PTER: variants seen among roughly 807,000 people sequenced by gnomAD.
PTER encodes phosphotriesterase related.
A neutral mutation model predicts 29.6 loss-of-function variants in PTER; 38 were observed. That is an observed-to-expected ratio of 1.28 (90% confidence interval 0.99 to 1.68). The LOEUF (loss-of-function observed/expected upper bound fraction) is 1.68. Among genes scored for constraint, PTER ranks in the 40% most tolerant of loss-of-function variants. PTER has a pLI of 0.00. For synonymous variants in PTER, 172 were observed against 154.5 expected (o/e 1.11, Z -0.84); for missense variants, 482 against 427.8 (o/e 1.13, Z -1.12).
chr10:16,438,727 A>C (rs1833745409), intron 1 of PTER, among the ~76,000 whole-genome samples: 1 of 151,310 alleles, frequency 6.6e-6, no homozygotes, highest in Non-Finnish European at 1.5e-5. Context: ...CAGGAGTTCG[A>C]GACCAGCCTG....
chr10:16,486,872 A>G, intron 3 of PTER: 1 of 412,060 alleles, frequency 2.4e-6, no homozygotes, highest in Non-Finnish European at 4.3e-6. Flanking sequence ...ATTTCCTTTA[A>G]TTTACTCAAT....
chr10:16,461,366 T>C (rs1369303113), intron 1 of PTER, among the ~76,000 whole-genome samples: 6 of 151,876 alleles, frequency 4.0e-5, no homozygotes, highest in Non-Finnish European at 8.8e-5. Context: ...TAATTAAAAT[T>C]TGTTATTTGA....
intron 1 of PTER, among the ~76,000 whole-genome samples, chr10:16,446,766 T>C (rs1376501282): frequency 6.8e-6 from 1 of 146,394 alleles, no homozygotes; most frequent in East Asian, 1.9e-4. Flanking sequence ...TAAGACATTT[T>C]TGTTTGTTTG....
chr10:16,513,420 G>A lies in PTER; in HGVS notation c.*2164G>A, dbSNP rs1836887071. 1 of 152,436 alleles carries A rather than the reference G, an allele frequency of 6.6e-6. No individual in the cohort carries two copies. The highest frequency in any genetic ancestry group is 1.5e-5 in the Non-Finnish European group (1 of 67,920). The allele number at this position is 152,436 out of a possible 1,614,324, so 9.4% of individuals were successfully genotyped here. ...ATATATAAATGTTTTATATGTATATGTTTTATACATAAATAAAACATTTCA... is the reference window on the plus strand; with the variant it reads ...ATATATAAATGTTTTATATGTATATATTTTATACATAAATAAAACATTTCA... On this transcript the variant is annotated 3_prime_UTR_variant, in exon 5 of 5. Coordinates refer to ENST00000535784, the MANE Select transcript of PTER (RefSeq NM_001261836.2).
intron 1 of PTER, among the ~76,000 whole-genome samples, chr10:16,470,422 A>G (rs1179405680): frequency 2.0e-5 from 3 of 152,218 alleles, no homozygotes; most frequent in African/African-American, 7.2e-5. Flanking sequence ...ATATTTATCA[A>G]ATCCATAGTA....
chr10:16,441,760 T>C (rs1833858205), intron 1 of PTER, among the ~76,000 whole-genome samples: 1 of 152,250 alleles, frequency 6.6e-6, no homozygotes, highest in South Asian at 2.1e-4. Context: ...CAATGCTAAG[T>C]ATTGGCAGTA....
chr10:16,465,205 A>G (rs1479516287), intron 1 of PTER, among the ~76,000 whole-genome samples: 1 of 152,096 alleles, frequency 6.6e-6, no homozygotes, highest in African/African-American at 2.4e-5. Flanking sequence ...TAAGTATCCT[A>G]TGAATATATA....
chr10:16,467,089 A>G (rs1408239311), intron 1 of PTER, among the ~76,000 whole-genome samples: 1 of 152,168 alleles, frequency 6.6e-6, no homozygotes, highest in East Asian at 1.9e-4. Flanking sequence ...TGGCTCTTAC[A>G]CTACTGTCCC....
At chr10:16,443,200 G>C (rs1490243020) in intron 1 of PTER, among the ~76,000 whole-genome samples, 2 of 152,294 alleles carry the variant, frequency 1.3e-5, no homozygotes. Context: ...GGCCTCTTCT[G>C]AGGTCTCTCT....
At chr10:16,508,691 T>A (rs922081273) in intron 4 of PTER, among the ~76,000 whole-genome samples, 5 of 152,052 alleles carry the variant, frequency 3.3e-5, no homozygotes, top group Non-Finnish European at 7.4e-5. Context: ...TCTGTGTATA[T>A]ATATATAAAA....
chr10:16,457,320 C>G (rs1025691439), intron 1 of PTER, among the ~76,000 whole-genome samples: 5 of 151,958 alleles, frequency 3.3e-5, no homozygotes, highest in African/African-American at 1.2e-4. Flanking sequence ...TCACGCCATT[C>G]TCCTGCCTCA....
chr10:16,448,204 G>A (rs1333044268), intron 1 of PTER, among the ~76,000 whole-genome samples: 1 of 152,142 alleles, frequency 6.6e-6, no homozygotes, highest in Admixed American at 6.5e-5. Flanking sequence ...ATTCCCCTAT[G>A]GGAGCCTGCC....
At chr10:16,518,699 C>T (rs1564417843), downstream of PTER, among the ~76,000 whole-genome samples, 1 of 152,106 alleles carries the variant, frequency 6.6e-6, no homozygotes, top group African/African-American at 2.4e-5. Flanking sequence ...CATTTTTACA[C>T]ATTTGCTGAT....
intron 1 of PTER, among the ~76,000 whole-genome samples, chr10:16,473,547 A>AAAAAC (rs1835141577): frequency 7.1e-6 from 1 of 141,240 alleles, no homozygotes; most frequent in Non-Finnish European, 1.5e-5. Flanking sequence ...AAAAAAAAAA[A>AAAAAC]CAGTTAGTTC....
At chr10:16,475,419 C>G (rs1835223210) in intron 1 of PTER, among the ~76,000 whole-genome samples, 1 of 152,166 alleles carries the variant, frequency 6.6e-6, no homozygotes, top group South Asian at 2.1e-4. Context: ...CTCTCTTTCT[C>G]TCCATATTGT....
chr10:16,484,638 T>G lies in PTER; in HGVS notation c.254T>G (p.Leu85Trp). 6.2e-7 allele frequency: 1 copy of G among 1,614,186 alleles called. No homozygotes were observed. The highest frequency in any genetic ancestry group is 2.2e-5 in the East Asian group (1 of 44,886). ...QETEAIKEEL[L>W]YFKANGGGAL... ...ACAGAAGCCATAAAGGAAGAACTGT[T>G]GTATTTTAAAGCTAATGGTGGAGGG... The change falls in exon 2 of 5, where the codon TTG (leucine) becomes TGG (tryptophan). Residue 85 changes from leucine (L) to tryptophan (W), a missense_variant. Transcript: ENST00000535784.
intron 1 of PTER, among the ~76,000 whole-genome samples, chr10:16,470,034 ATTG>A (rs1164241637): frequency 2.0e-5 from 3 of 152,120 alleles, no homozygotes; most frequent in Non-Finnish European, 4.4e-5. Flanking sequence ...GTTGCTATCT[ATTG>A]TTATTGTCGG....
intron 1 of PTER, among the ~76,000 whole-genome samples, chr10:16,455,764 T>C (rs1303331707): frequency 6.6e-6 from 1 of 152,090 alleles, no homozygotes; most frequent in Admixed American, 6.6e-5. Flanking sequence ...AAGAATAAAA[T>C]AGCAAGTGCC....
intron 3 of PTER, among the ~76,000 whole-genome samples, chr10:16,502,429 G>T (rs1238367000): frequency 6.6e-6 from 1 of 152,100 alleles, no homozygotes; most frequent in Admixed American, 6.6e-5. Context: ...ATGGTAAGAA[G>T]ATGGAAAATG....
Sources: allele counts gnomAD v4.1 joint callset (sites outside exome capture counted in the v4.1 genomes callset), GRCh38; gene constraint gnomAD v4.1.1; transcripts MANE v1.5; gene names NCBI Gene and HGNC (gene_info 2026-07-23, HGNC 2026-07-21).